The following PPP2R1A variants were observed in gnomAD, a reference collection of about 807,000 sequenced individuals.
PPP2R1A encodes protein phosphatase 2 scaffold subunit Aalpha.
In PPP2R1A, 15 loss-of-function variants were observed where a neutral mutation model predicts 67.1. That is an observed-to-expected ratio of 0.22 (90% CI 0.15 to 0.34). The LOEUF is 0.34. PPP2R1A is among the 10% of genes least tolerant of loss of function. The pLI is 1.00. For missense variants in PPP2R1A, 369 were observed against 775.0 expected (o/e 0.48, Z 6.22); for synonymous variants, 337 against 325.0 (o/e 1.04, Z -0.40).
chr19:52,224,283 C>T (rs1979118486), intron 13 of PPP2R1A, among the ~76,000 whole-genome samples: 1 of 152,170 alleles, frequency 6.6e-6, no homozygotes. Context: ...AGTTTCTCTC[C>T]GAAGTCCCCC....
intron 2 of PPP2R1A, 27 bp downstream of exon 2, chr19:52,202,061 G>C (rs2089554983): frequency 6.3e-7 from 1 of 1,588,356 alleles, no homozygotes; most frequent in East Asian, 2.2e-5. Flanking sequence ...CTGGGGCCCA[G>C]ATGTGGGGAC....
intron 9 of PPP2R1A, among the ~76,000 whole-genome samples, chr19:52,218,337 TTACGTTATTCAATTCTGTTACA>T (rs761613591): frequency 7.9e-4 from 121 of 152,310 alleles, no homozygotes; most frequent in Middle Eastern, 6.8e-3. Flanking sequence ...CCCCTAAAAG[TTACGTTATTCAATTCTGTTACA>T]GTGGAGTAAT....
chr19:52,201,387 G>C (rs1376487446), intron 1 of PPP2R1A: 2 of 152,256 alleles, frequency 1.3e-5, no homozygotes, highest in Non-Finnish European at 2.9e-5. Flanking sequence ...CAATCACTTA[G>C]CCAGCAATCC....
At chr19:52,197,726 A>G (rs1003488239) in intron 1 of PPP2R1A, among the ~76,000 whole-genome samples, 2 of 152,166 alleles carry the variant, frequency 1.3e-5, no homozygotes, top group South Asian at 4.1e-4. Flanking sequence ...ATATGAATCC[A>G]TAGTACTGGT....
chr19:52,226,082 G>A lies in PPP2R1A; in HGVS notation c.*101G>A, dbSNP rs1979242175. On this transcript the variant is annotated 3_prime_UTR_variant, in exon 15 of 15. Coordinates refer to ENST00000322088, the MANE Select transcript of PPP2R1A (RefSeq NM_014225.6). ...GGGGGGCCTTTGGCTGTCACTCCCT[G>A]TGCATGGTCTGACCCCAGGCCCCTT... 3.2e-6 allele frequency: 5 copies of A among 1,566,288 alleles called. No individual in the cohort carries two copies. The highest frequency in any genetic ancestry group is 4.4e-6 in the Non-Finnish European group (5 of 1,138,188).
intron 1 of PPP2R1A, among the ~76,000 whole-genome samples, chr19:52,192,309 TTTC>T (rs2089461709): frequency 6.6e-6 from 1 of 151,896 alleles, no homozygotes; most frequent in South Asian, 2.1e-4. Context: ...TTTTTTTTTT[TTTC>T]TTCTTTTTTT....
intron 1 of PPP2R1A, among the ~76,000 whole-genome samples, chr19:52,193,558 C>G (rs911272497): frequency 2.0e-5 from 3 of 152,062 alleles, no homozygotes; most frequent in African/African-American, 7.2e-5. Flanking sequence ...CGTGGTGGCT[C>G]AAGCCTAATT....
chr19:52,190,855 A>G (rs1311019677), intron 1 of PPP2R1A, among the ~76,000 whole-genome samples: 3 of 151,922 alleles, frequency 2.0e-5, no homozygotes, highest in East Asian at 1.9e-4. Flanking sequence ...GCAGATGAAC[A>G]TTTATTTATT....
In PPP2R1A at chr19:52,212,442, G is replaced by C; in HGVS notation, c.504-244G>C. On this transcript the variant is annotated intron_variant, in intron 4 of 14. Coordinates refer to ENST00000322088, the MANE Select transcript of PPP2R1A (RefSeq NM_014225.6). This position sits in a 1 kb window ranked among gnomAD's most constrained non-coding sequence, Gnocchi z 4.1. ...AATCGTCAGCACTTAGCATTGACTAGATTTATTATGCGCAATCTGCGAAGT... is the reference window on the plus strand; with the variant it reads ...AATCGTCAGCACTTAGCATTGACTACATTTATTATGCGCAATCTGCGAAGT... 1.9e-6 allele frequency: 1 copy of C among 539,656 alleles called. No homozygotes were observed. Among genetic ancestry groups the C allele is most frequent in the Non-Finnish European group, 3.3e-6 (1 of 305,510 alleles). 33.4% of individuals were successfully genotyped at this position (539,656 alleles called of 1,614,324 possible).
chr19:52,192,315 CTTT>C (rs1002291819), intron 1 of PPP2R1A, among the ~76,000 whole-genome samples: 3 of 141,318 alleles, frequency 2.1e-5, no homozygotes, highest in African/African-American at 2.6e-5. Flanking sequence ...TTTTTTTCTT[CTTT>C]TTTTGAGACG....
chr19:52,207,095 C>A (rs2089611554), intron 3 of PPP2R1A, among the ~76,000 whole-genome samples: 1 of 152,188 alleles, frequency 6.6e-6, no homozygotes. Flanking sequence ...TCGGATATCT[C>A]AGCCTTCATC....
intron 1 of PPP2R1A, 101 bp downstream of exon 1, chr19:52,190,275 G>A (rs950344188): frequency 4.5e-5 from 61 of 1,344,554 alleles, no homozygotes; most frequent in Middle Eastern, 1.9e-4. Context: ...AGTGGCGGAA[G>A]GGGGCGACGG....
In PPP2R1A at chr19:52,226,187, GT is replaced by G. The variant is rs1979252048; in HGVS notation, c.*208del. The G allele has an allele frequency of 1.2e-5, 9 of 744,078 alleles. No individual in the cohort carries two copies. The highest frequency in any genetic ancestry group is 1.7e-5 in the Non-Finnish European group (8 of 461,634). 46.1% of individuals were successfully genotyped at this position (744,078 alleles called of 1,614,324 possible). A position where few individuals can be genotyped will look rare whatever the true frequency, so the allele number is the denominator to read the frequency against. ...TCCCAACGGGCTAGGGGAGCACGGGGTTGGACAGGACAGTGACCTTGGGAGG... is the reference window on the plus strand; with the variant it reads ...TCCCAACGGGCTAGGGGAGCACGGGGTGGACAGGACAGTGACCTTGGGAGG... On this transcript the variant is annotated 3_prime_UTR_variant, in exon 15 of 15. Transcript: ENST00000322088.
chr19:52,211,675 A>G lies in PPP2R1A; in HGVS notation c.503+183A>G. ...TGGTCTCTGGACACGGCCACGTGTC[A>G]GTTTACCCACCTCTGCCCCCTTGCT... On this transcript the variant is annotated intron_variant, in intron 4 of 14. Coordinates refer to ENST00000322088, the MANE Select transcript of PPP2R1A (RefSeq NM_014225.6). The surrounding 1 kb of genome is among the most constrained non-coding windows in gnomAD (Gnocchi z 5.3). The G allele has an allele frequency of 1.6e-6, 1 of 632,976 alleles. No individual in the cohort carries two copies. Among genetic ancestry groups the G allele is most frequent in the Admixed American group, 3.0e-5 (1 of 33,070 alleles). 39.2% of individuals were successfully genotyped at this position (632,976 alleles called of 1,614,324 possible). A position where few individuals can be genotyped will look rare whatever the true frequency, so the allele number is the denominator to read the frequency against.
At chr19:52,208,376 T>C (rs2089628475) in intron 3 of PPP2R1A, among the ~76,000 whole-genome samples, 1 of 151,890 alleles carries the variant, frequency 6.6e-6, no homozygotes, top group Non-Finnish European at 1.5e-5. Flanking sequence ...ACTTTGTTGG[T>C]CAGATTAGTC....
At position 52,226,296 on chromosome 19, in the gene PPP2R1A, C is replaced by G. The variant is rs1979258830; in HGVS notation, c.*315C>G. On this transcript the variant is annotated 3_prime_UTR_variant, in exon 15 of 15. Transcript: ENST00000322088. ...TGCTGCTGTAATGGGAACCCCTCCC[C>G]CATTTACTTCTCCACCTCCCGTCCT... is the stretch of plus-strand genomic sequence containing the variant. 4.6e-6 allele frequency: 2 copies of G among 437,926 alleles called. No homozygotes were observed. Among genetic ancestry groups the G allele is most frequent in the Admixed American group, 8.0e-5 (2 of 25,114 alleles). The allele number at this position is 437,926 out of a possible 1,614,324, so 27.1% of individuals were successfully genotyped here. A position where few individuals can be genotyped will look rare whatever the true frequency, so the allele number is the denominator to read the frequency against.
intron 3 of PPP2R1A, among the ~76,000 whole-genome samples, chr19:52,210,358 A>G (rs955518996): frequency 6.6e-6 from 1 of 152,034 alleles, no homozygotes; most frequent in African/African-American, 2.4e-5. Context: ...CCCCAGAAAC[A>G]TGAGATCCCA....
At chr19:52,210,138 T>G (rs1247231427) in intron 3 of PPP2R1A, among the ~76,000 whole-genome samples, 7 of 152,156 alleles carry the variant, frequency 4.6e-5, no homozygotes, top group Non-Finnish European at 7.3e-5. Flanking sequence ...AAGTTGAATT[T>G]CAGATCAGAG....
rs1978823648 is a variant in PPP2R1A at position 52,220,097 on chromosome 19, G to A, written c.1303-92G>A. On this transcript the variant is annotated intron_variant, in intron 10 of 14. Coordinates refer to ENST00000322088, the MANE Select transcript of PPP2R1A (RefSeq NM_014225.6). ...AGTTGAGAAGTGTCCGGTCTTTCTA[G>A]GGTGGGTGTAGGTTCCATGGGATGT... 2.1e-6 allele frequency: 3 copies of A among 1,407,430 alleles called. No individual in the cohort carries two copies. In the Admixed American group the frequency reaches 5.1e-5, roughly 24 times the overall value. The allele number at this position is 1,407,430 out of a possible 1,614,324, so 87.2% of individuals were successfully genotyped here.
Sources: allele counts gnomAD v4.1 joint callset (sites outside exome capture counted in the v4.1 genomes callset), GRCh38; gene constraint gnomAD v4.1.1; non-coding constraint Gnocchi (gnomAD v3.1); transcripts MANE v1.5; gene names NCBI Gene and HGNC (gene_info 2026-07-23, HGNC 2026-07-21).